Variants in ABCD3 observed in about 807,000 individuals in gnomAD.
The protein encoded by ABCD3 is ATP binding cassette subfamily D member 3.
Under a neutral mutation model 105.5 loss-of-function variants are expected in ABCD3, and 41 were observed. That is an observed-to-expected ratio of 0.39 (90% confidence interval 0.30 to 0.50). The LOEUF (loss-of-function observed/expected upper bound fraction) is 0.50, where lower values mean the gene tolerates loss of function less well. Ranked by LOEUF, ABCD3 falls within the 20% of genes least tolerant of loss-of-function variation. The pLI, the probability that ABCD3 is intolerant of heterozygous loss-of-function variation, is 0.84. For missense variants in ABCD3, 622 were observed against 806.3 expected, an observed-to-expected ratio of 0.77 and a Z score of 2.77; for synonymous variants, 258 against 269.0, an observed-to-expected ratio of 0.96 and a Z score of 0.40.
the ABCD3 span, among the ~76,000 whole-genome samples, chr1:94,388,497 A>G: frequency 1.3e-5 from 2 of 152,222 alleles, no homozygotes; most frequent in African/African-American, 2.4e-5. Context: ...ACAATTCTAT[A>G]ACTAGAAAGG....
rs1649347780 is a variant in ABCD3, at chr1:94,487,875, A to G, written c.1066-17A>G. 1.2e-6 allele frequency: 2 copies of G among 1,608,458 alleles called. No homozygotes were observed. The highest frequency in any genetic ancestry group is 2.7e-5 in the African/African-American group (2 of 74,724). ...CATAGAACTATAAGTAAAAACTAAT[A>G]TTTATTTCTATTTAAGGATTACTAC... On this transcript the variant is annotated splice_polypyrimidine_tract_variant and intron_variant, in intron 12 of 22. Transcript: ENST00000370214.
intron 21 of ABCD3, among the ~76,000 whole-genome samples, chr1:94,512,926 G>A (rs928001986): frequency 6.6e-6 from 1 of 151,984 alleles, no homozygotes; most frequent in Non-Finnish European, 1.5e-5. Context: ...TATATATTAT[G>A]AATTCCTACT....
the ABCD3 span, among the ~76,000 whole-genome samples, chr1:94,386,320 A>G: frequency 6.6e-6 from 1 of 152,350 alleles, no homozygotes; most frequent in East Asian, 1.9e-4. Flanking sequence ...CCTAAATTAT[A>G]TTTTAATTTC....
intron 10 of ABCD3, among the ~76,000 whole-genome samples, chr1:94,483,904 G>A (rs1649153633): frequency 1.3e-5 from 2 of 151,986 alleles, no homozygotes; most frequent in Admixed American, 1.3e-4. Flanking sequence ...TCTGACAAAG[G>A]GCTAATATCC....
intron 15 of ABCD3, 77 bp downstream of exon 15, chr1:94,490,052 AT>A: frequency 7.5e-7 from 1 of 1,328,200 alleles, no homozygotes; most frequent in Admixed American, 1.7e-5. Flanking sequence ...TCAGCTTACA[AT>A]TGCTTAGTGT....
At chr1:94,426,848 A>ATT (rs67942477) in intron 1 of ABCD3, among the ~76,000 whole-genome samples, 7 of 131,616 alleles carry the variant, frequency 5.3e-5, no homozygotes, top group Non-Finnish European at 9.6e-5. Flanking sequence ...CCCAGCCTGA[A>ATT]TTTTTTTTTT....
intron 1 of ABCD3, among the ~76,000 whole-genome samples, chr1:94,447,217 T>C (rs911061434): frequency 6.6e-6 from 1 of 152,204 alleles, no homozygotes; most frequent in African/African-American, 2.4e-5. Flanking sequence ...TAATAAACAA[T>C]TAGAAGGACA....
intron 1 of ABCD3, among the ~76,000 whole-genome samples, chr1:94,441,827 A>G (rs1660144529): frequency 6.6e-6 from 1 of 152,172 alleles, no homozygotes; most frequent in African/African-American, 2.4e-5. Context: ...TAAATAAGGA[A>G]ATGATGAAAC....
At chr1:94,445,621 G>A (rs541988143) in intron 1 of ABCD3, among the ~76,000 whole-genome samples, 23 of 152,284 alleles carry the variant, frequency 1.5e-4, no homozygotes, top group Non-Finnish European at 2.4e-4. Context: ...TTGAAGAAAA[G>A]GAGTGGCCTG....
chr1:94,429,581 C>G (rs938506256), intron 1 of ABCD3, among the ~76,000 whole-genome samples: 52 of 152,154 alleles, frequency 3.4e-4, no homozygotes, highest in Non-Finnish European at 3.1e-4. Context: ...TAAAAGGGGC[C>G]AAGGTATATC....
intron 7 of ABCD3, among the ~76,000 whole-genome samples, chr1:94,477,002 T>C (rs188173719): frequency 4.9e-4 from 75 of 151,980 alleles, no homozygotes; most frequent in Non-Finnish European, 9.4e-4. Flanking sequence ...TTATTATGTA[T>C]TCTTTAAATC....
rs893607451 is a variant in ABCD3, at chr1:94,419,306, G to T, written c.110+718G>T. 7.6e-5 allele frequency: 75 copies of T among 985,424 alleles called. 1 individual carries two copies. The South Asian group carries it at 2.3e-3, about 31-fold the overall frequency. The allele number at this position is 985,424 out of a possible 1,614,324, so 61.0% of individuals were successfully genotyped here. A position where few individuals can be genotyped will look rare whatever the true frequency, so the allele number is the denominator to read the frequency against. ...TCCTTCCTGGGCTCTGTAGGTGAAA[G>T]ATGAGAGTGTGGTTTAGGTGAGGAT... On this transcript the variant is annotated intron_variant, in intron 1 of 22. Coordinates refer to ENST00000370214, the MANE Select transcript of ABCD3 (RefSeq NM_002858.4).
the ABCD3 span, among the ~76,000 whole-genome samples, chr1:94,388,470 T>TA: frequency 2.0e-5 from 3 of 152,200 alleles, no homozygotes; most frequent in African/African-American, 7.2e-5. Context: ...TACAAGTGGC[T>TA]AAAAACCTAT....
intron 1 of ABCD3, 67 bp downstream of exon 1, chr1:94,418,655 C>T (rs1220422962): frequency 1.0e-5 from 15 of 1,486,440 alleles, no homozygotes; most frequent in Admixed American, 9.8e-5. Flanking sequence ...GCTCTCTCTC[C>T]CCACCCGGCC....
At chr1:94,514,002 C>G (rs1410244698) in intron 21 of ABCD3, 1 of 151,582 alleles carries the variant, frequency 6.6e-6, no homozygotes, top group Non-Finnish European at 1.5e-5. Flanking sequence ...GGTGTAGATA[C>G]AAACCGAGGA....
intron 2 of ABCD3, among the ~76,000 whole-genome samples, chr1:94,464,162 C>G (rs532411438): frequency 6.6e-6 from 1 of 152,042 alleles, no homozygotes. Context: ...TATGTTTCTC[C>G]CGCTAGAATG....
At chr1:94,489,298 A>G (rs879171841) in intron 13 of ABCD3, among the ~76,000 whole-genome samples, 1 of 152,114 alleles carries the variant, frequency 6.6e-6, no homozygotes, top group Admixed American at 6.6e-5. Flanking sequence ...TGCATTCGGC[A>G]TACATTTAAT....
Position 94,514,897 on chromosome 1 carries a change from A to C in ABCD3, c.1846-249A>C, listed in dbSNP as rs2101073089. 1.5e-5 allele frequency: 7 copies of C among 471,882 alleles called. No homozygotes were observed. The East Asian group carries it at 2.5e-4, about 17-fold the overall frequency. 29.2% of individuals were successfully genotyped at this position (471,882 alleles called of 1,614,324 possible). ...ACAATAAAATAGGAGACATGATAGG[A>C]GATATGTTTTTTGCCCAAAAGAAAA... is the stretch of plus-strand genomic sequence containing the variant. On this transcript the variant is annotated intron_variant, in intron 21 of 22. Coordinates refer to ENST00000370214, the MANE Select transcript of ABCD3 (RefSeq NM_002858.4).
chr1:94,493,286 A>G (rs1158222276), intron 16 of ABCD3, among the ~76,000 whole-genome samples: 2 of 152,022 alleles, frequency 1.3e-5, no homozygotes, highest in East Asian at 1.9e-4. Context: ...GGCGAAGGAC[A>G]TGAACAGACA....
Sources: gnomAD v4.1 joint callset for allele counts (sites outside exome capture counted in the v4.1 genomes callset) on GRCh38, gnomAD v4.1.1 for gene constraint, MANE v1.5 for transcripts, NCBI Gene and HGNC (gene_info 2026-07-23, HGNC 2026-07-21) for gene names.